RBFOX1: variants seen among roughly 807,000 people sequenced by gnomAD.
The protein encoded by RBFOX1 is RNA binding fox-1 homolog 1, also known as RNA binding protein fox-1 homolog 1.
Under a neutral mutation model 57.7 loss-of-function variants are expected in RBFOX1, and 8 were observed. That is an observed-to-expected ratio of 0.14 (90% CI 0.08 to 0.25). RBFOX1 has a LOEUF of 0.25. Among genes scored for constraint, RBFOX1 ranks in the 10% least tolerant of loss-of-function variants. The pLI, the probability that RBFOX1 is intolerant of heterozygous loss-of-function variation, is 1.00. For missense variants in RBFOX1, 611 were observed against 548.5 expected (o/e 1.11, Z -1.14); for synonymous variants, 326 against 222.4 (o/e 1.47, Z -4.15).
At chr16:6,044,181 G>C (rs1567322453) in intron 1 of RBFOX1, among the ~76,000 whole-genome samples, 1 of 152,130 alleles carries the variant, frequency 6.6e-6, no homozygotes, top group Non-Finnish European at 1.5e-5. Context: ...AAACAAAACA[G>C]GTATGTCTTG....
rs138534059 is a variant in RBFOX1, at chr16:5,973,882, T to G, written c.351+106547T>G. Among the ~76,000 whole-genome samples, 755 of 152,288 alleles carry G rather than the reference T, an allele frequency of 5.0e-3. 5 individuals carry two copies. The highest frequency in any genetic ancestry group is 0.017 in the African/African-American group (690 of 41,566). ...GTGATGAATCTCCTGTACCTTAAAC[T>G]TCACTTCGTAGGGCTCAGAAAATGC... On this transcript the variant is annotated intron_variant, in intron 4 of 19. Coordinates refer to the RBFOX1 transcript ENST00000641259.
chr16:7,039,858 C>CT, intron 3 of RBFOX1, among the ~76,000 whole-genome samples: 1 of 152,196 alleles, frequency 6.6e-6, no homozygotes, highest in Non-Finnish European at 1.5e-5. Context: ...CGACCTCTCT[C>CT]TTTTTATTTT....
intron 3 of RBFOX1, among the ~76,000 whole-genome samples, chr16:7,024,893 C>T (rs774990469): frequency 6.6e-6 from 1 of 152,236 alleles, no homozygotes; most frequent in Non-Finnish European, 1.5e-5. Flanking sequence ...CCTTAGAAGT[C>T]ACCTGCTGCA....
At chr16:7,390,090 C>T (rs1046149087) in intron 4 of RBFOX1, among the ~76,000 whole-genome samples, 4 of 152,030 alleles carry the variant, frequency 2.6e-5, no homozygotes. Flanking sequence ...GAGAGGAAGA[C>T]AGAAAAACAG....
chr16:6,226,724 G>A (rs541078487), intron 1 of RBFOX1, among the ~76,000 whole-genome samples: 2 of 152,140 alleles, frequency 1.3e-5, no homozygotes, highest in South Asian at 2.1e-4. Context: ...CTTGCTGGCT[G>A]TAGGCTTTGA....
chr16:6,474,072 G>A (rs2095234921), intron 2 of RBFOX1, among the ~76,000 whole-genome samples: 1 of 152,094 alleles, frequency 6.6e-6, no homozygotes, highest in Non-Finnish European at 1.5e-5. Flanking sequence ...ACTGCAAACT[G>A]TGGGTCAGAT....
chr16:5,454,897 TCTTTCTTTC>T (rs2068554928), intron 1 of RBFOX1, among the ~76,000 whole-genome samples: 3 of 114,408 alleles, frequency 2.6e-5, no homozygotes, highest in Non-Finnish European at 5.8e-5. Context: ...TTTCTTTCTT[TCTTTCTTTC>T]TTTCTTTCCT....
At chr16:7,459,377 G>C (rs1478004516) in intron 4 of RBFOX1, among the ~76,000 whole-genome samples, 1 of 152,182 alleles carries the variant, frequency 6.6e-6, no homozygotes, top group Admixed American at 6.5e-5. Flanking sequence ...TTGTACAAAA[G>C]TATGTTTGGT....
chr16:6,921,081 T>C (rs1009796395), intron 3 of RBFOX1, among the ~76,000 whole-genome samples: 6 of 152,194 alleles, frequency 3.9e-5, no homozygotes, highest in African/African-American at 1.2e-4. Flanking sequence ...TTTGAGCTCC[T>C]GCACCATTCG....
chr16:6,014,062 C>G (rs778120497), upstream of RBFOX1, among the ~76,000 whole-genome samples: 2 of 151,686 alleles, frequency 1.3e-5, no homozygotes, highest in Admixed American at 1.3e-4. Flanking sequence ...TGTATGCATA[C>G]GTAACAAACC....
chr16:7,407,783 C>A (rs1334479190), intron 4 of RBFOX1, among the ~76,000 whole-genome samples: 2 of 152,108 alleles, frequency 1.3e-5, no homozygotes, highest in African/African-American at 4.8e-5. Flanking sequence ...CAGTCTATTC[C>A]ATTACACTCT....
At chr16:7,062,911 T>A (rs1394674878) in intron 4 of RBFOX1, among the ~76,000 whole-genome samples, 4 of 136,538 alleles carry the variant, frequency 2.9e-5, no homozygotes, top group African/African-American at 1.2e-4. Flanking sequence ...TTTTTTTTTT[T>A]TTTTTTTTTT....
At chr16:5,493,540 C>T (rs2042903036) in intron 2 of RBFOX1, among the ~76,000 whole-genome samples, 1 of 152,226 alleles carries the variant, frequency 6.6e-6, no homozygotes, top group Admixed American at 6.5e-5. Context: ...AAGTCCCTGT[C>T]CCCATTGGTT....
At chr16:6,517,605 G>C (rs1234389704) in intron 2 of RBFOX1, among the ~76,000 whole-genome samples, 1 of 152,044 alleles carries the variant, frequency 6.6e-6, no homozygotes, top group Non-Finnish European at 1.5e-5. Flanking sequence ...AGAGTGCTTT[G>C]CCTGGGTGTT....
intron 1 of RBFOX1, among the ~76,000 whole-genome samples, chr16:6,220,891 C>T (rs2097368832): frequency 6.6e-6 from 1 of 151,932 alleles, no homozygotes; most frequent in African/African-American, 2.4e-5. Context: ...CTATATGAAC[C>T]AAGTAATCTA....
At chr16:6,533,214 G>A (rs2096684841) in intron 2 of RBFOX1, among the ~76,000 whole-genome samples, 2 of 152,220 alleles carry the variant, frequency 1.3e-5, no homozygotes, top group African/African-American at 4.8e-5. Context: ...ATCAACTATA[G>A]TGATACAGGA....
intron 3 of RBFOX1, among the ~76,000 whole-genome samples, chr16:6,860,454 C>T (rs1166129770): frequency 6.6e-6 from 1 of 152,184 alleles, no homozygotes; most frequent in Non-Finnish European, 1.5e-5. Flanking sequence ...GGGCGCTCTA[C>T]CGTGCTGCTG....
intron 3 of RBFOX1, among the ~76,000 whole-genome samples, chr16:5,625,357 G>A (rs1350070671): frequency 1.3e-5 from 2 of 152,150 alleles, no homozygotes; most frequent in African/African-American, 4.8e-5. Flanking sequence ...GATGCTCACT[G>A]CAGTTCTCAG....
intron 3 of RBFOX1, among the ~76,000 whole-genome samples, chr16:6,802,753 C>A (rs1025955270): frequency 6.6e-6 from 1 of 152,150 alleles, no homozygotes; most frequent in African/African-American, 2.4e-5. Flanking sequence ...CATTCCCCCA[C>A]GTTGTTGTAA....
Sources: gnomAD v4.1 joint callset for allele counts (sites outside exome capture counted in the v4.1 genomes callset) on GRCh38, gnomAD v4.1.1 for gene constraint, MANE v1.5 for transcripts, NCBI Gene and HGNC (gene_info 2026-07-23, HGNC 2026-07-21) for gene names.